The following RSPH10B2 variants were observed in gnomAD, a reference collection of about 807,000 sequenced individuals.
The protein encoded by RSPH10B2 is radial spoke head 10 homolog B2 (Chlamydomonas).
RSPH10B2 carries 9 observed loss-of-function variants against 49.0 expected under a neutral mutation model. That is an observed-to-expected ratio of 0.18 (90% CI 0.11 to 0.32). The LOEUF is 0.32. RSPH10B2 is among the 10% of genes least tolerant of loss of function. The pLI is 1.00. For missense variants in RSPH10B2, 95 were observed against 589.9 expected (o/e 0.16, Z 8.69); for synonymous variants, 35 against 210.2 (o/e 0.17, Z 7.21).
chr7:6,795,972 AT>A lies in RSPH10B2; in HGVS notation c.2234-594del, dbSNP rs201268481. Among the ~76,000 whole-genome samples, 1,303 of 146,478 alleles carry A rather than the reference AT, an allele frequency of 8.9e-3. 64 individuals carry two copies. The highest frequency in any genetic ancestry group is 0.031 in the African/African-American group (1,216 of 39,802). On this transcript the variant is annotated intron_variant, in intron 17 of 18. Transcript: ENST00000297186. ...AAAAGCAAGAGAAACGAGTTTTTTT[AT>A]TCTTGAAACATGGAAAATTAAAATA... is the stretch of plus-strand genomic sequence containing the variant.
At chr7:6,793,362 T>C (rs1399434268) in intron 17 of RSPH10B2, among the ~76,000 whole-genome samples, 1 of 116,506 alleles carries the variant, frequency 8.6e-6, no homozygotes, top group African/African-American at 3.4e-5. Context: ...CTCCCCCTTT[T>C]CTGACGGCGT....
At chr7:6,776,928 A>ACACACACAC (rs773659785) in intron 10 of RSPH10B2, among the ~76,000 whole-genome samples, 54 of 115,296 alleles carry the variant, frequency 4.7e-4, no homozygotes, top group Admixed American at 1.7e-3. Context: ...CACACACACA[A>ACACACACAC]AAGGCAGGGG....
intron 4 of RSPH10B2, among the ~76,000 whole-genome samples, chr7:6,764,498 C>T (rs1412941648): frequency 2.7e-5 from 4 of 150,624 alleles, no homozygotes; most frequent in East Asian, 2.0e-4. Context: ...GTTGCTGGGA[C>T]TACAGGTGTG....
intron 11 of RSPH10B2, 118 bp downstream of exon 13, chr7:6,779,842 C>G (rs1227794330): frequency 2.8e-6 from 1 of 353,042 alleles, no homozygotes; most frequent in Admixed American, 5.6e-5. Flanking sequence ...GAGTCTTGCT[C>G]TGTCGCCCAG....
chr7:6,796,314 CAA>C (rs751282932), intron 17 of RSPH10B2, among the ~76,000 whole-genome samples: 3 of 85,402 alleles, frequency 3.5e-5, no homozygotes, highest in Non-Finnish European at 5.1e-5. Context: ...ACTCTGTCTC[CAA>C]AAAAAAAAAA....
rs1166580135 is a variant in RSPH10B2 at position 6,763,666 on chromosome 7, C to T, written c.400-262C>T. 1.5e-4 allele frequency among the ~76,000 whole-genome samples: 22 copies of T among 142,782 alleles called. 1 individual carries two copies. Among genetic ancestry groups the T allele is most frequent in the African/African-American group, 4.4e-4 (17 of 38,680 alleles). The allele number at this position is 142,782 out of a possible 152,430, so 93.7% of individuals were successfully genotyped here. ...TTCCAACATCACCTGCTTGTTTCTTCGAACTTGGTCAACCTGCAACCTCCC... is the reference window on the plus strand; with the variant it reads ...TTCCAACATCACCTGCTTGTTTCTTTGAACTTGGTCAACCTGCAACCTCCC... On this transcript the variant is annotated intron_variant, in intron 3 of 18. Transcript: ENST00000297186.
intron 10 of RSPH10B2, among the ~76,000 whole-genome samples, chr7:6,776,926 C>CAA (rs1781767860): frequency 8.3e-6 from 1 of 120,362 alleles, no homozygotes; most frequent in African/African-American, 3.0e-5. Flanking sequence ...CACACACACA[C>CAA]AAAAGGCAGG....
rs58458056 is a variant in RSPH10B2 at position 6,793,436 on chromosome 7, T to C, written c.2233+1439T>C. 2.6e-4 allele frequency among the ~76,000 whole-genome samples: 29 copies of C among 113,692 alleles called. 5 individuals carry two copies. The highest frequency in any genetic ancestry group is 5.5e-4 in the South Asian group (1 of 1,822). The allele number at this position is 113,692 out of a possible 152,430, so 74.6% of individuals were successfully genotyped here. A position where few individuals can be genotyped will look rare whatever the true frequency, so the allele number is the denominator to read the frequency against. ...AAAGGCTCCGTCCCGGGGCCTTGTC[T>C]TCTCAAAGGCCTCCCCTGTGTATCC... On this transcript the variant is annotated intron_variant, in intron 17 of 18. Coordinates refer to ENST00000297186, the Ensembl canonical transcript of RSPH10B2.
intron 9 of RSPH10B2, among the ~76,000 whole-genome samples, chr7:6,774,755 G>GTTTTT (rs1359670506): frequency 3.3e-5 from 4 of 122,084 alleles, no homozygotes; most frequent in Non-Finnish European, 6.7e-5. Context: ...CTTTTTTTTT[G>GTTTTT]TTTTTTTTTT....
intron 7 of RSPH10B2, among the ~76,000 whole-genome samples, chr7:6,770,256 A>G (rs201914296): frequency 4.2e-5 from 1 of 23,638 alleles, no homozygotes; most frequent in African/African-American, 2.0e-4. Flanking sequence ...CACAGAGCCA[A>G]ATTGGGTCAT....
chr7:6,780,506 C>T (rs1219673419), intron 11 of RSPH10B2, among the ~76,000 whole-genome samples: 3 of 110,182 alleles, frequency 2.7e-5, no homozygotes, highest in African/African-American at 1.0e-4. Context: ...GCCTCAGCCT[C>T]CCAAGTAGCT....
intron 17 of RSPH10B2, among the ~76,000 whole-genome samples, chr7:6,793,938 G>A (rs1305121936): frequency 6.6e-6 from 1 of 152,268 alleles, no homozygotes; most frequent in Non-Finnish European, 1.5e-5. Context: ...GCATCTTGGG[G>A]GGCTGTGTAC....
intron 13 of RSPH10B2, among the ~76,000 whole-genome samples, chr7:6,783,834 TAATA>T (rs1782035097): frequency 7.0e-6 from 1 of 143,558 alleles, no homozygotes; most frequent in Non-Finnish European, 1.5e-5. Context: ...ATAATAATAA[TAATA>T]ATTATTATTA....
chr7:6,764,787 C>A (rs1360522340), intron 4 of RSPH10B2, among the ~76,000 whole-genome samples: 1 of 146,744 alleles, frequency 6.8e-6, no homozygotes, highest in South Asian at 2.2e-4. Context: ...GGGGTGGTGA[C>A]TTCTAGACAG....
At chr7:6,777,059 GTTTTGTT>G (rs1781776192) in intron 10 of RSPH10B2, among the ~76,000 whole-genome samples, 1 of 40,528 alleles carries the variant, frequency 2.5e-5, no homozygotes, top group African/African-American at 1.2e-4. Flanking sequence ...GTTTTGTTTT[GTTTTGTT>G]TTTTTTGAGA....
rs1398451485 is a variant in RSPH10B2 at position 6,796,506 on chromosome 7, C to T, written c.2234-62C>T. On this transcript the variant is annotated intron_variant, in intron 17 of 18. Transcript: ENST00000297186. ...AGGGAGGCTAGAACGAGAAAAAGCA[C>T]GCAGACCCCCAATTGACAGCAGGAT... 73 of 869,898 alleles carry T rather than the reference C, an allele frequency of 8.4e-5. 6 individuals are homozygous for T. In the African/African-American group the frequency reaches 1.1e-3, roughly 14 times the overall value. The allele number at this position is 869,898 out of a possible 1,614,324, so 53.9% of individuals were successfully genotyped here.
intron 18 of RSPH10B2, among the ~76,000 whole-genome samples, chr7:6,797,838 G>A (rs1782659029): frequency 1.1e-5 from 1 of 92,528 alleles, no homozygotes; most frequent in Non-Finnish European, 2.0e-5. Flanking sequence ...GGGCAACACA[G>A]TAAGACCCTA....
intron 4 of RSPH10B2, among the ~76,000 whole-genome samples, chr7:6,764,408 G>A (rs182922140): frequency 3.6e-5 from 5 of 139,484 alleles, no homozygotes; most frequent in South Asian, 4.9e-4. Flanking sequence ...TCGCCCAGGC[G>A]GGAGTGCAAT....
chr7:6,786,763 GT>G, intron 14 of RSPH10B2, 114 bp from the exon 17 acceptor site: 2 of 1,068,566 alleles, frequency 1.9e-6, no homozygotes, highest in Admixed American at 3.9e-5. Flanking sequence ...GTCTGTGTGT[GT>G]GTGGGCAAAC....
Sources: allele counts gnomAD v4.1 joint callset (sites outside exome capture counted in the v4.1 genomes callset), GRCh38; gene constraint gnomAD v4.1.1; transcripts MANE v1.5; gene names NCBI Gene and HGNC (gene_info 2026-07-23, HGNC 2026-07-21).